The following ANKRD44 variants were observed in gnomAD, a reference collection of about 807,000 sequenced individuals.
ANKRD44 encodes serine/threonine-protein phosphatase 6 regulatory ankyrin repeat subunit B.
In ANKRD44, 35 loss-of-function variants were observed where a neutral mutation model predicts 116.0. That is an observed-to-expected ratio of 0.30 (90% CI 0.23 to 0.40). The LOEUF (loss-of-function observed/expected upper bound fraction) is 0.40. Among genes scored for constraint, ANKRD44 ranks in the 10% least tolerant of loss-of-function variants. The pLI is 1.00. For missense variants in ANKRD44, 1,014 were observed against 1,242.6 expected (o/e 0.82, Z 2.77); for synonymous variants, 435 against 461.8 (o/e 0.94, Z 0.74).
At chr2:197,299,150 T>C (rs1418039947) in intron 1 of ANKRD44, among the ~76,000 whole-genome samples, 2 of 152,214 alleles carry the variant, frequency 1.3e-5, no homozygotes, top group Non-Finnish European at 2.9e-5. Context: ...TTAATTCTCT[T>C]TTAATTTATG....
rs1326516975 is a variant in ANKRD44 at position 197,000,565 on chromosome 2, C to T, written c.2436-63G>A. On this transcript the variant is annotated intron_variant, in intron 22 of 27. Transcript: ENST00000282272. Reference sequence around the variant, plus strand: ...CTTTTAAATTATATCACCTCCTAACCCATCTTCCTATGTACTGTATATTTG... The same window carrying T: ...CTTTTAAATTATATCACCTCCTAACTCATCTTCCTATGTACTGTATATTTG... 3.9e-6 allele frequency: 5 copies of T among 1,288,792 alleles called. No individual in the cohort carries two copies. In the East Asian group the frequency reaches 9.2e-5, roughly 24 times the overall value. 79.8% of individuals were successfully genotyped at this position (1,288,792 alleles called of 1,614,324 possible). A position where few individuals can be genotyped will look rare whatever the true frequency, so the allele number is the denominator to read the frequency against.
At chr2:197,159,738 T>A (rs1028840974) in intron 2 of ANKRD44, among the ~76,000 whole-genome samples, 5 of 152,234 alleles carry the variant, frequency 3.3e-5, no homozygotes, top group African/African-American at 1.2e-4. Flanking sequence ...AGCTGATTCT[T>A]AAGAAAATCC....
chr2:197,296,816 A>T (rs938591146), intron 1 of ANKRD44, among the ~76,000 whole-genome samples: 1 of 152,172 alleles, frequency 6.6e-6, no homozygotes, highest in Non-Finnish European at 1.5e-5. Flanking sequence ...AAAAACCCCA[A>T]ATTAAAGTAA....
intron 16 of ANKRD44, among the ~76,000 whole-genome samples, chr2:197,038,582 A>G (rs2076850383): frequency 6.6e-6 from 1 of 152,240 alleles, no homozygotes; most frequent in African/African-American, 2.4e-5. Context: ...ATCAAAATTA[A>G]GTTTTTATAT....
intron 16 of ANKRD44, among the ~76,000 whole-genome samples, chr2:197,042,822 C>A (rs940262393): frequency 1.3e-5 from 2 of 151,900 alleles, no homozygotes; most frequent in African/African-American, 2.4e-5. Flanking sequence ...TCAGTAAATG[C>A]AAGGCATTTT....
At chr2:197,113,680 A>G (rs964549214) in intron 8 of ANKRD44, among the ~76,000 whole-genome samples, 6 of 152,222 alleles carry the variant, frequency 3.9e-5, no homozygotes, top group African/African-American at 1.4e-4. Context: ...GGCCCATTTC[A>G]GGGATAGCAA....
At chr2:197,129,680 A>T (rs868800099) in intron 4 of ANKRD44, among the ~76,000 whole-genome samples, 4 of 152,202 alleles carry the variant, frequency 2.6e-5, no homozygotes, top group African/African-American at 9.6e-5. Context: ...AACTCTTTTT[A>T]TTTAACAAAA....
intron 16 of ANKRD44, among the ~76,000 whole-genome samples, chr2:197,051,661 G>A (rs962088099): frequency 2.6e-5 from 4 of 152,166 alleles, no homozygotes; most frequent in African/African-American, 4.8e-5. Flanking sequence ...TACTAGCTTA[G>A]AGTCCCAGCT....
At chr2:197,245,414 G>A (rs759877789) in intron 1 of ANKRD44, among the ~76,000 whole-genome samples, 1 of 152,174 alleles carries the variant, frequency 6.6e-6, no homozygotes, top group Non-Finnish European at 1.5e-5. Flanking sequence ...TTTTATGTCA[G>A]GGACTTGAGC....
chr2:197,118,432 A>T (rs1220342418), intron 8 of ANKRD44, among the ~76,000 whole-genome samples: 1 of 151,648 alleles, frequency 6.6e-6, no homozygotes, highest in Non-Finnish European at 1.5e-5. Context: ...CTACAAAAAA[A>T]TACAAAAATT....
chr2:197,153,225 CAAAAAA>C (rs75600123), intron 2 of ANKRD44, among the ~76,000 whole-genome samples: 102 of 69,346 alleles, frequency 1.5e-3, no homozygotes, highest in Middle Eastern at 0.017. Context: ...AAGACCCTGC[CAAAAAA>C]AAAAAAAAAA....
intron 2 of ANKRD44, 111 bp downstream of exon 2, chr2:197,186,912 C>T: frequency 3.8e-6 from 3 of 789,614 alleles, no homozygotes; most frequent in Non-Finnish European, 6.3e-6. Context: ...TCCTGAGAAA[C>T]AGTCTGGAGC....
intron 1 of ANKRD44, among the ~76,000 whole-genome samples, chr2:197,298,736 G>A (rs2083800769): frequency 6.6e-6 from 1 of 151,978 alleles, no homozygotes; most frequent in Admixed American, 6.6e-5. Context: ...TGGGCAACAT[G>A]GTGAAACTCA....
At chr2:197,178,014 T>C (rs1347866870) in intron 2 of ANKRD44, among the ~76,000 whole-genome samples, 1 of 152,222 alleles carries the variant, frequency 6.6e-6, no homozygotes, top group African/African-American at 2.4e-5. Flanking sequence ...TTTTTGTATA[T>C]ATAGTTAACC....
intron 16 of ANKRD44, among the ~76,000 whole-genome samples, chr2:197,075,818 C>A (rs575391398): frequency 6.6e-6 from 1 of 152,084 alleles, no homozygotes; most frequent in Non-Finnish European, 1.5e-5. Flanking sequence ...CCATGAATGC[C>A]AAAGTAAACG....
At chr2:197,112,491 A>G (rs976540321) in intron 8 of ANKRD44, among the ~76,000 whole-genome samples, 1 of 152,020 alleles carries the variant, frequency 6.6e-6, no homozygotes, top group Non-Finnish European at 1.5e-5. Context: ...GGGAGGATCA[A>G]GAGGTCAGGA....
intron 26 of ANKRD44, chr2:196,994,965 C>T (rs2075987601): frequency 6.5e-6 from 1 of 153,556 alleles, no homozygotes; most frequent in East Asian, 1.9e-4. Flanking sequence ...AGACAAATAG[C>T]TTAGAAACTC....
chr2:196,985,618 A>G (rs2075831454), downstream of ANKRD44, among the ~76,000 whole-genome samples: 1 of 152,228 alleles, frequency 6.6e-6, no homozygotes, highest in Admixed American at 6.5e-5. Flanking sequence ...ACTATCTTCA[A>G]AAATTCAAGT....
intron 1 of ANKRD44, among the ~76,000 whole-genome samples, chr2:197,198,503 TA>T (rs1351211640): frequency 6.6e-6 from 1 of 151,948 alleles, no homozygotes; most frequent in Non-Finnish European, 1.5e-5. Flanking sequence ...ATCTAAAAGG[TA>T]AATTTGACCG....
Sources: allele counts gnomAD v4.1 joint callset (sites outside exome capture counted in the v4.1 genomes callset), GRCh38; gene constraint gnomAD v4.1.1; transcripts MANE v1.5; gene names NCBI Gene and HGNC (gene_info 2026-07-23, HGNC 2026-07-21).